HYLS1: variants seen among roughly 807,000 people sequenced by gnomAD.
HYLS1 encodes the protein HYLS1 centriolar and ciliogenesis associated.
In HYLS1, 25 loss-of-function variants were observed where a neutral mutation model predicts 29.4. The observed-to-expected ratio is 0.85, with a 90% confidence interval of 0.62 to 1.19. The LOEUF is 1.19. Among genes scored for constraint, HYLS1 ranks in the 50% most tolerant of loss-of-function variants. The pLI, the probability that HYLS1 is intolerant of heterozygous loss-of-function variation, is 0.00. For synonymous variants in HYLS1, 128 were observed against 126.7 expected, an observed-to-expected ratio of 1.01 and a Z score of -0.07; for missense variants, 352 against 365.1, an observed-to-expected ratio of 0.96 and a Z score of 0.29.
At chr11:125,885,421 A>T (rs536109565), upstream of HYLS1, among the ~76,000 whole-genome samples, 309 of 152,280 alleles carry the variant, frequency 2.0e-3, 4 homozygotes, top group South Asian at 0.036. Flanking sequence ...ACTGCACCCC[A>T]GCCTGGGCTA....
intron 2 of HYLS1, chr11:125,895,084 T>C: frequency 1.9e-6 from 1 of 539,632 alleles, no homozygotes; most frequent in East Asian, 3.1e-5. Context: ...TCTCCCTCTG[T>C]CACCCATGCT....
chr11:125,899,544 G>C lies in HYLS1; in HGVS notation c.176G>C (p.Gly59Ala), dbSNP rs1448232382. 1 of 1,614,122 alleles carries C rather than the reference G, an allele frequency of 6.2e-7. No individual in the cohort carries two copies. ...TACAGTAAAGCTTCAGTAGCCCCAG[G>C]GAAGCGACCTGCTCTTCCTGTGCAA... Reference protein sequence around the residue: ...DPYSKASVAPGKRPALPVQLQ... With the variant: ...DPYSKASVAPAKRPALPVQLQ... The change falls in exon 3 of 3, where the codon GGG becomes GCG. Residue 59 changes from glycine (G) to alanine (A), a missense_variant. By Grantham distance (60) the Gly-to-Ala change is moderately conservative. Coordinates refer to ENST00000425380, the MANE Select transcript of HYLS1 (RefSeq NM_001134793.2).
chr11:125,899,745 A>G lies in HYLS1; in HGVS notation c.377A>G (p.Gln126Arg), dbSNP rs772908693. The stretch of plus-strand genomic sequence containing the variant: ...TCAGAATCTGGTACAGAAAATGATC[A>G]GGATCTCTGGGACTTAAGACAAAGG... ...SESESGTENDQDLWDLRQRLM... is the reference protein window; with the variant it reads ...SESESGTENDRDLWDLRQRLM... The change falls in exon 3 of 3, where the codon CAG (glutamine) becomes CGG (arginine). Residue 126 changes from glutamine to arginine, a missense_variant. Coordinates refer to ENST00000425380, the MANE Select transcript of HYLS1 (RefSeq NM_001134793.2). 2.5e-6 allele frequency: 4 copies of G among 1,614,122 alleles called. No homozygotes were observed. Among genetic ancestry groups the G allele is most frequent in the Non-Finnish European group, 3.4e-6 (4 of 1,180,034 alleles).
At position 125,900,258 on chromosome 11, in the gene HYLS1, C is replaced by T; in HGVS notation, c.890C>T (p.Ser297Phe). ...VIPRKLPFPL[S>F]PS ...CCCAGGAAGCTTCCCTTCCCTCTTT[C>T]TCCTTCTTAAATCTTTTTAAACTTC... Residue 297 changes from serine to phenylalanine, a missense_variant, in exon 3 of 3, where the codon TCT becomes TTT. By Grantham distance (155) the Ser-to-Phe change is radical. Coordinates refer to ENST00000425380, the MANE Select transcript of HYLS1 (RefSeq NM_001134793.2). 6.2e-7 allele frequency: 1 copy of T among 1,614,124 alleles called. No homozygotes were observed. Among genetic ancestry groups the T allele is most frequent in the Non-Finnish European group, 8.5e-7 (1 of 1,179,982 alleles).
At chr11:125,890,758 TA>T (rs1158472693) in intron 1 of HYLS1, among the ~76,000 whole-genome samples, 1 of 152,230 alleles carries the variant, frequency 6.6e-6, no homozygotes, top group East Asian at 1.9e-4. Flanking sequence ...TTCGATCTTT[TA>T]TATTAGAAAG....
In HYLS1 at chr11:125,897,487, T is replaced by C. The variant is rs532934305; in HGVS notation, c.-25-1857T>C. Among the ~76,000 whole-genome samples, 125 of 148,520 alleles carry C rather than the reference T, an allele frequency of 8.4e-4. 2 individuals are homozygous for C. In the South Asian group the frequency reaches 0.027, roughly 32 times the overall value. On this transcript the variant is annotated intron_variant, in intron 2 of 2. Coordinates refer to ENST00000425380, the MANE Select transcript of HYLS1 (RefSeq NM_001134793.2). Reference sequence around the variant, plus strand: ...AAAGTGCGACCTTCCTCAATATATATTTCATGAATATATACATCAGTTTTA... The same window carrying C: ...AAAGTGCGACCTTCCTCAATATATACTTCATGAATATATACATCAGTTTTA...
chr11:125,890,954 G>A (rs1944397623), intron 1 of HYLS1, among the ~76,000 whole-genome samples: 1 of 151,458 alleles, frequency 6.6e-6, no homozygotes, highest in South Asian at 2.1e-4. Flanking sequence ...CTAACTCTTG[G>A]CTTTACTGCC....
In HYLS1 at chr11:125,891,465, G is replaced by A. The variant is rs1591494788; in HGVS notation, c.-33G>A. On this transcript the variant is annotated 5_prime_UTR_variant, in exon 2 of 3. Coordinates refer to ENST00000425380, the MANE Select transcript of HYLS1 (RefSeq NM_001134793.2). ...ATGTAAATACCAATCAAGATACATT[G>A]AAATAAGGTAAGAAATTGAAAAAAA... The A allele has an allele frequency of 6.4e-5, 4 of 62,048 alleles. No homozygotes were observed. Among genetic ancestry groups the A allele is most frequent in the South Asian group, 6.2e-4 (1 of 1,608 alleles). The allele number at this position is 62,048 out of a possible 1,614,324, so 3.8% of individuals were successfully genotyped here.
At chr11:125,896,334 A>C in intron 2 of HYLS1, 1 of 1,508,552 alleles carries the variant, frequency 6.6e-7, no homozygotes. Flanking sequence ...GCCCTGTCTG[A>C]AAAGAGAGCA....
At position 125,900,267 on chromosome 11, in the gene HYLS1, A is replaced by C; in HGVS notation, c.899A>C (p.Ter300SerextTer11). 1 of 1,614,012 alleles carries C rather than the reference A, an allele frequency of 6.2e-7. No homozygotes were observed. ...CTTCCCTTCCCTCTTTCTCCTTCTT[A>C]AATCTTTTTAAACTTCTTTCACAGG... ...RKLPFPLSPS* is the reference protein window; with the variant it reads ...RKLPFPLSPSS The change falls in exon 3 of 3, where the codon TAA (stop) becomes TCA (serine). Residue 300 changes from the stop codon to serine, a stop_lost. Transcript: ENST00000425380.
chr11:125,895,422 A>G (rs1944551366), intron 2 of HYLS1: 2 of 1,613,950 alleles, frequency 1.2e-6, no homozygotes, highest in African/African-American at 1.3e-5. Context: ...GCTCTGGCCC[A>G]CTAGCTGTAC....
chr11:125,895,157 G>T, intron 2 of HYLS1: 1 of 1,312,254 alleles, frequency 7.6e-7, no homozygotes, highest in South Asian at 1.5e-5. Flanking sequence ...AGCAATTCTT[G>T]TGCCTCAAGC....
upstream of HYLS1, among the ~76,000 whole-genome samples, chr11:125,886,605 G>C (rs1395349490): frequency 7.8e-6 from 1 of 128,046 alleles, no homozygotes; most frequent in Non-Finnish European, 1.6e-5. Flanking sequence ...TTTTTTTACA[G>C]GTACAGATGC....
At position 125,899,784 on chromosome 11, in the gene HYLS1, A is replaced by G. The variant is rs759427287; in HGVS notation, c.416A>G (p.Gln139Arg). ...WDLRQRLMNVQFQEDKESSFD... is the reference protein window; with the variant it reads ...WDLRQRLMNVRFQEDKESSFD... ...TTAAGACAAAGGCTGATGAATGTAC[A>G]GTTCCAGGAAGACAAGGAATCTTCA... is the stretch of plus-strand genomic sequence containing the variant. Residue 139 changes from glutamine (Q) to arginine (R), a missense_variant, in exon 3 of 3, where the codon CAG (glutamine) becomes CGG (arginine). Gln to Arg is a conservative substitution (Grantham distance 43). Coordinates refer to ENST00000425380, the MANE Select transcript of HYLS1 (RefSeq NM_001134793.2). 2 of 1,614,246 alleles carry G rather than the reference A, an allele frequency of 1.2e-6. No homozygotes were observed.
intron 2 of HYLS1, among the ~76,000 whole-genome samples, chr11:125,894,934 A>G (rs1944528542): frequency 1.3e-5 from 2 of 152,252 alleles, no homozygotes; most frequent in Non-Finnish European, 2.9e-5. Context: ...AAATTAAAAT[A>G]CACTGCTCCC....
chr11:125,893,514 G>T, intron 2 of HYLS1: 1 of 289,784 alleles, frequency 3.5e-6, no homozygotes. Context: ...TAATGAATTT[G>T]AATACAAGGC....
At chr11:125,893,902 A>G (rs752397379) in intron 2 of HYLS1, 13 of 1,614,038 alleles carry the variant, frequency 8.1e-6, no homozygotes, top group Non-Finnish European at 1.1e-5. Flanking sequence ...TTTCTTCCTC[A>G]TGGAATAAAT....
At chr11:125,898,787 C>T (rs989166185) in intron 2 of HYLS1, among the ~76,000 whole-genome samples, 14 of 151,172 alleles carry the variant, frequency 9.3e-5, no homozygotes, top group African/African-American at 3.4e-4. Flanking sequence ...TAGATCAAAT[C>T]ACTCTTTTAT....
intron 1 of HYLS1, among the ~76,000 whole-genome samples, chr11:125,889,066 ATG>A (rs1227077993): frequency 1.3e-5 from 2 of 152,208 alleles, no homozygotes; most frequent in Non-Finnish European, 2.9e-5. Context: ...TCCTTATAAA[ATG>A]TGTTTTAAAT....
Sources: gnomAD v4.1 joint callset for allele counts (sites outside exome capture counted in the v4.1 genomes callset) on GRCh38, gnomAD v4.1.1 for gene constraint, MANE v1.5 for transcripts, NCBI Gene and HGNC (gene_info 2026-07-23, HGNC 2026-07-21) for gene names.